AUTS2: variants seen among roughly 807,000 people sequenced by gnomAD.
AUTS2 encodes autism susceptibility gene 2 protein.
AUTS2 carries 17 observed loss-of-function variants against 112.4 expected under a neutral mutation model. The ratio of observed to expected loss-of-function variants is 0.15; its 90% confidence interval spans 0.10 to 0.23. AUTS2 has a LOEUF of 0.23. Ranked by LOEUF, AUTS2 falls within the 10% of genes least tolerant of loss-of-function variation. AUTS2 has a pLI of 1.00. For missense variants in AUTS2, 1,510 were observed against 1,701.6 expected (o/e 0.89, Z 1.98); for synonymous variants, 751 against 702.7 (o/e 1.07, Z -1.09).
At chr7:69,957,883 A>T (rs1327074586) in intron 2 of AUTS2, among the ~76,000 whole-genome samples, 1 of 152,202 alleles carries the variant, frequency 6.6e-6, no homozygotes, top group Non-Finnish European at 1.5e-5. Flanking sequence ...ACACTAGGGC[A>T]CATGGTTTGG....
Position 70,376,976 on chromosome 7 carries a change from G to GTT in AUTS2, c.661-58775_661-58774dup, listed in dbSNP as rs1353287366. On this transcript the variant is annotated intron_variant, in intron 4 of 18. Transcript: ENST00000342771. Reference sequence around the variant, plus strand: ...GACCCAAGACATCTGGCCTATGTAAGTTATGGCTAATGTCCACGAACTGGA... The same window carrying GTT: ...GACCCAAGACATCTGGCCTATGTAAGTTTTATGGCTAATGTCCACGAACTGGA... Among the ~76,000 whole-genome samples the GTT allele has an allele frequency of 2.0e-5, 3 of 151,776 alleles. No individual in the cohort carries two copies. In the East Asian group the frequency reaches 5.8e-4, roughly 30 times the overall value.
At chr7:69,955,750 G>T (rs1797186855) in intron 2 of AUTS2, among the ~76,000 whole-genome samples, 1 of 152,126 alleles carries the variant, frequency 6.6e-6, no homozygotes, top group Non-Finnish European at 1.5e-5. Flanking sequence ...TGGGCAGGGG[G>T]CTCAGATGTT....
At chr7:70,632,846 C>A (rs1345670836) in intron 5 of AUTS2, among the ~76,000 whole-genome samples, 1 of 152,022 alleles carries the variant, frequency 6.6e-6, no homozygotes, top group Non-Finnish European at 1.5e-5. Flanking sequence ...GGACACAGAC[C>A]CCCACTGGTG....
chr7:70,371,729 A>G (rs1167931268), intron 4 of AUTS2, among the ~76,000 whole-genome samples: 1 of 152,210 alleles, frequency 6.6e-6, no homozygotes, highest in Non-Finnish European at 1.5e-5. Context: ...CTATTATAAG[A>G]CAGTAAATTG....
chr7:69,651,861 A>C (rs540135392), intron 1 of AUTS2, among the ~76,000 whole-genome samples: 10 of 152,308 alleles, frequency 6.6e-5, no homozygotes, highest in Non-Finnish European at 1.0e-4. Context: ...AAAGACCCCC[A>C]CACATATTTG....
chr7:70,116,349 A>C (rs867246528), intron 2 of AUTS2, among the ~76,000 whole-genome samples: 55 of 152,234 alleles, frequency 3.6e-4, no homozygotes, highest in African/African-American at 1.3e-3. Context: ...GGGAAAGCTG[A>C]CTCTGTGAAT....
rs1200339444 is a variant in AUTS2, at chr7:70,134,689, C to T, written c.660+118C>T. 6 of 923,382 alleles carry T rather than the reference C, an allele frequency of 6.5e-6. No homozygotes were observed. The East Asian group carries it at 9.6e-5, about 15-fold the overall frequency. The allele number at this position is 923,382 out of a possible 1,614,324, so 57.2% of individuals were successfully genotyped here. On this transcript the variant is annotated intron_variant, in intron 4 of 18. Coordinates refer to ENST00000342771, the MANE Select transcript of AUTS2 (RefSeq NM_015570.4). ...GAATTTCTCTCTCAGTCCTAAAGAGCAGACTGATTTCCATTCTTTATTAGG... is the reference window on the plus strand; with the variant it reads ...GAATTTCTCTCTCAGTCCTAAAGAGTAGACTGATTTCCATTCTTTATTAGG...
At chr7:70,614,468 G>A (rs1479493283) in intron 5 of AUTS2, among the ~76,000 whole-genome samples, 1 of 152,310 alleles carries the variant, frequency 6.6e-6, no homozygotes, top group East Asian at 1.9e-4. Context: ...TCACGATGGT[G>A]CTAAGTGGAG....
intron 4 of AUTS2, among the ~76,000 whole-genome samples, chr7:70,171,619 A>G (rs981083861): frequency 1.3e-5 from 2 of 152,222 alleles, no homozygotes; most frequent in African/African-American, 2.4e-5. Flanking sequence ...TATTTCCCTC[A>G]GGTCACGGGC....
At chr7:70,349,155 ACATCCCAGACTTACAGGC>A (rs1044858452) in intron 4 of AUTS2, among the ~76,000 whole-genome samples, 28 of 152,164 alleles carry the variant, frequency 1.8e-4, no homozygotes, top group African/African-American at 6.8e-4. Flanking sequence ...TTGCCAAAGC[ACATCCCAGACTTACAGGC>A]AGTCTGGCTC....
rs1336791256 is a variant in AUTS2, at chr7:69,931,404, A to G, written c.522+31906A>G. On this transcript the variant is annotated intron_variant, in intron 2 of 18. Coordinates refer to ENST00000342771, the MANE Select transcript of AUTS2 (RefSeq NM_015570.4). ...CACATCTGCATCTTTGCAGCTTGCT[A>G]TTATACATCTTTGGTTTGCTGTGAA... is the stretch of plus-strand genomic sequence containing the variant. Among the ~76,000 whole-genome samples the G allele has an allele frequency of 3.2e-4, 49 of 152,342 alleles. 2 individuals carry two copies. The highest frequency in any genetic ancestry group is 1.8e-4 in the Non-Finnish European group (12 of 68,028).
chr7:69,779,050 T>TAAA (rs1554368326), intron 1 of AUTS2, among the ~76,000 whole-genome samples: 12 of 86,578 alleles, frequency 1.4e-4, no homozygotes, highest in African/African-American at 4.3e-4. Context: ...TTTTTTTTTT[T>TAAA]AAAAAAAAAA....
At chr7:69,780,697 T>C (rs1179430480) in intron 1 of AUTS2, among the ~76,000 whole-genome samples, 1 of 152,204 alleles carries the variant, frequency 6.6e-6, no homozygotes, top group African/African-American at 2.4e-5. Flanking sequence ...TGGTGGTAGA[T>C]AGAAGCACAG....
intron 2 of AUTS2, among the ~76,000 whole-genome samples, chr7:70,075,191 A>G (rs1326817674): frequency 1.3e-5 from 2 of 152,228 alleles, no homozygotes; most frequent in African/African-American, 4.8e-5. Context: ...TTCCATTGGC[A>G]ACAAGTCTCA....
At chr7:70,644,721 C>T (rs1477238738) in intron 5 of AUTS2, among the ~76,000 whole-genome samples, 2 of 152,172 alleles carry the variant, frequency 1.3e-5, no homozygotes, top group Non-Finnish European at 2.9e-5. Context: ...ATGAAGCCTT[C>T]CAGAATCATC....
intron 6 of AUTS2, among the ~76,000 whole-genome samples, chr7:70,732,540 G>C (rs895742905): frequency 1.6e-4 from 24 of 152,170 alleles, no homozygotes; most frequent in African/African-American, 5.8e-4. Flanking sequence ...TCCCCTGACA[G>C]AAACATTGCG....
intron 2 of AUTS2, among the ~76,000 whole-genome samples, chr7:70,086,539 G>A (rs1803611090): frequency 6.6e-6 from 1 of 151,488 alleles, no homozygotes; most frequent in Non-Finnish European, 1.5e-5. Context: ...TACTTGGGAG[G>A]CTGAGACGGG....
intron 6 of AUTS2, among the ~76,000 whole-genome samples, chr7:70,758,606 C>T (rs1789369732): frequency 6.6e-6 from 1 of 152,116 alleles, no homozygotes; most frequent in African/African-American, 2.4e-5. Context: ...TTTATAATCA[C>T]AAGAAGAGAG....
At chr7:70,178,175 CT>C (rs1809097187) in intron 4 of AUTS2, among the ~76,000 whole-genome samples, 1 of 152,096 alleles carries the variant, frequency 6.6e-6, no homozygotes, top group Non-Finnish European at 1.5e-5. Flanking sequence ...TTTGGGACCC[CT>C]AACATGATGT....
Sources: gnomAD v4.1 joint callset for allele counts (sites outside exome capture counted in the v4.1 genomes callset) on GRCh38, gnomAD v4.1.1 for gene constraint, MANE v1.5 for transcripts, NCBI Gene and HGNC (gene_info 2026-07-23, HGNC 2026-07-21) for gene names.